OPCML: variants seen among roughly 807,000 people sequenced by gnomAD.
OPCML encodes the protein opioid binding protein/cell adhesion molecule like, also known as opioid-binding protein/cell adhesion molecule.
A neutral mutation model predicts 37.8 loss-of-function variants in OPCML; 13 were observed. The observed-to-expected ratio is 0.34, with a 90% CI of 0.22 to 0.55. OPCML has a LOEUF of 0.55. OPCML is among the 20% of genes least tolerant of loss of function. OPCML has a pLI of 0.91. For synonymous variants in OPCML, 176 were observed against 168.8 expected (o/e 1.04, Z -0.33); for missense variants, 341 against 435.6 (o/e 0.78, Z 1.93).
At chr11:133,166,019 T>C (rs2137229592) in intron 1 of OPCML, among the ~76,000 whole-genome samples, 1 of 152,336 alleles carries the variant, frequency 6.6e-6, no homozygotes, top group Middle Eastern at 3.4e-3. Context: ...CTGTGTCAAC[T>C]ACTATTCCAC....
At chr11:133,001,027 G>A (rs147993522) in intron 1 of OPCML, among the ~76,000 whole-genome samples, 4 of 152,248 alleles carry the variant, frequency 2.6e-5, no homozygotes, top group African/African-American at 4.8e-5. Flanking sequence ...ATCTCCCTGA[G>A]GCCTCACTAG....
At chr11:132,737,972 C>T (rs1299665757) in intron 2 of OPCML, among the ~76,000 whole-genome samples, 2 of 152,126 alleles carry the variant, frequency 1.3e-5, no homozygotes, top group East Asian at 3.9e-4. Context: ...TAAATCGCCC[C>T]CAGTCTTCCA....
rs184823331 is a variant in OPCML, at chr11:132,761,165, C to A, written c.147-103846G>T. Among the ~76,000 whole-genome samples the A allele has an allele frequency of 4.0e-5, 6 of 151,022 alleles. No individual in the cohort carries two copies. In the East Asian group the frequency reaches 1.2e-3, roughly 29 times the overall value. ...GCTTGTAGGGTTTCTCCAGAGAGATCTGCTGTTAGTCTGATGAGCTTCCCT... is the reference window on the plus strand; with the variant it reads ...GCTTGTAGGGTTTCTCCAGAGAGATATGCTGTTAGTCTGATGAGCTTCCCT... On this transcript the variant is annotated intron_variant, in intron 2 of 7. Coordinates refer to ENST00000524381, the MANE Select transcript of OPCML (RefSeq NM_001012393.5).
In OPCML at chr11:132,692,805, A is replaced by G. The variant is rs545059292; in HGVS notation, c.147-35486T>C. On this transcript the variant is annotated intron_variant, in intron 2 of 7. Transcript: ENST00000524381. ...AAGATGTTCCCTACCACTCAAGTTCATGCCAAAATAAAAATTAAAATGTCC... is the reference window on the plus strand; with the variant it reads ...AAGATGTTCCCTACCACTCAAGTTCGTGCCAAAATAAAAATTAAAATGTCC... Among the ~76,000 whole-genome samples the G allele has an allele frequency of 5.1e-4, 78 of 152,330 alleles. No individual in the cohort carries two copies. In the South Asian group the frequency reaches 0.016, roughly 32 times the overall value.
At chr11:133,023,598 G>A (rs1206661910) in intron 1 of OPCML, among the ~76,000 whole-genome samples, 2 of 152,162 alleles carry the variant, frequency 1.3e-5, no homozygotes, top group Non-Finnish European at 2.9e-5. Context: ...CGCTGGAGCT[G>A]ACTACTCAGG....
rs77110284 is a variant in OPCML, at chr11:133,344,440, C to T, written c.61+187824G>A. On this transcript the variant is annotated intron_variant, in intron 1 of 7. Coordinates refer to ENST00000524381, the MANE Select transcript of OPCML (RefSeq NM_001012393.5). Reference sequence around the variant, plus strand: ...ACACACTGAACATTTTACCCCACTGCCCCTCTCCCAGCCAAATTGGACAAA... The same window carrying T: ...ACACACTGAACATTTTACCCCACTGTCCCTCTCCCAGCCAAATTGGACAAA... Among the ~76,000 whole-genome samples the T allele has an allele frequency of 2.8e-3, 425 of 152,298 alleles. 11 individuals are homozygous for T. In the East Asian group the frequency reaches 0.058, roughly 21 times the overall value.
chr11:133,344,687 A>G (rs11827927), intron 1 of OPCML, among the ~76,000 whole-genome samples: 35,855 of 152,138 alleles, frequency 0.24, 6,294 homozygotes, highest in African/African-American at 0.49. Flanking sequence ...TCTAAATGTG[A>G]CACTCTGCAT....
At chr11:133,184,516 G>A (rs886235246) in intron 1 of OPCML, among the ~76,000 whole-genome samples, 4 of 152,130 alleles carry the variant, frequency 2.6e-5, no homozygotes, top group African/African-American at 9.7e-5. Flanking sequence ...CTGGCTTGAG[G>A]AGCGAGGCTG....
At chr11:132,803,533 A>C (rs1314384334) in intron 2 of OPCML, among the ~76,000 whole-genome samples, 2 of 152,168 alleles carry the variant, frequency 1.3e-5, no homozygotes, top group African/African-American at 2.4e-5. Context: ...ATGAGGTAAA[A>C]TTGATGGGAC....
At chr11:133,459,319 A>G (rs898405349) in intron 1 of OPCML, among the ~76,000 whole-genome samples, 2 of 152,126 alleles carry the variant, frequency 1.3e-5, no homozygotes, top group Admixed American at 6.5e-5. Context: ...AATGAGGGAC[A>G]CAAAAGGCTC....
At chr11:132,473,608 T>A (rs537458390) in intron 4 of OPCML, among the ~76,000 whole-genome samples, 23 of 152,280 alleles carry the variant, frequency 1.5e-4, no homozygotes, top group Non-Finnish European at 2.4e-4. Flanking sequence ...GGAAAATCAC[T>A]TAAGCCTGGG....
intron 4 of OPCML, among the ~76,000 whole-genome samples, chr11:132,489,130 GTAT>G (rs894098618): frequency 6.6e-6 from 1 of 152,120 alleles, no homozygotes; most frequent in African/African-American, 2.4e-5. Context: ...TTTTTAAAAT[GTAT>G]TATTATTTTA....
At chr11:132,916,152 T>C (rs1332994580) in intron 2 of OPCML, among the ~76,000 whole-genome samples, 1 of 152,204 alleles carries the variant, frequency 6.6e-6, no homozygotes, top group Non-Finnish European at 1.5e-5. Context: ...TAGTATAAAG[T>C]GTAGTTTTAC....
intron 7 of OPCML, among the ~76,000 whole-genome samples, chr11:132,425,725 G>A (rs1026754015): frequency 6.6e-6 from 1 of 152,210 alleles, no homozygotes; most frequent in Non-Finnish European, 1.5e-5. Context: ...CTGAAAGCAA[G>A]CTTGGCTCTG....
intron 1 of OPCML, among the ~76,000 whole-genome samples, chr11:133,521,163 C>T (rs1040031809): frequency 4.6e-5 from 7 of 152,292 alleles, no homozygotes; most frequent in African/African-American, 1.7e-4. Flanking sequence ...GTGTGTCCAT[C>T]GGGCTCCTCT....
chr11:132,963,092 C>T (rs1257145138), intron 1 of OPCML, among the ~76,000 whole-genome samples: 1 of 152,130 alleles, frequency 6.6e-6, no homozygotes, highest in Non-Finnish European at 1.5e-5. Context: ...ACCACTAGAA[C>T]CCCAGATGCT....
chr11:132,638,484 T>G (rs932369524), intron 3 of OPCML, among the ~76,000 whole-genome samples: 1 of 152,098 alleles, frequency 6.6e-6, no homozygotes, highest in African/African-American at 2.4e-5. Flanking sequence ...GTCCACAAAG[T>G]TAGGATTATT....
At chr11:133,424,749 T>C (rs1409446804) in intron 1 of OPCML, among the ~76,000 whole-genome samples, 1 of 152,240 alleles carries the variant, frequency 6.6e-6, no homozygotes, top group African/African-American at 2.4e-5. Flanking sequence ...AGTTAAAAGA[T>C]TATTTTGAGG....
intron 3 of OPCML, among the ~76,000 whole-genome samples, chr11:132,533,555 C>T (rs1015167331): frequency 2.2e-4 from 33 of 152,234 alleles, no homozygotes; most frequent in African/African-American, 7.5e-4. Context: ...CAACATCTGC[C>T]CCTTGCTAAA....
Sources: allele counts gnomAD v4.1 joint callset (sites outside exome capture counted in the v4.1 genomes callset), GRCh38; gene constraint gnomAD v4.1.1; transcripts MANE v1.5; gene names NCBI Gene and HGNC (gene_info 2026-07-23, HGNC 2026-07-21).